UNC80: variants seen among roughly 807,000 people sequenced by gnomAD.
UNC80 encodes the protein protein unc-80 homolog.
Under a neutral mutation model 384.6 loss-of-function variants are expected in UNC80, and 164 were observed. The observed-to-expected ratio is 0.43, with a 90% confidence interval of 0.38 to 0.49. The LOEUF (loss-of-function observed/expected upper bound fraction) is 0.49. Ranked by LOEUF, UNC80 falls within the 20% of genes least tolerant of loss-of-function variation. UNC80 has a pLI of 0.00. For missense variants in UNC80, 3,330 were observed against 4,143.0 expected, an observed-to-expected ratio of 0.80 and a Z score of 5.39; for synonymous variants, 1,486 against 1,527.8, an observed-to-expected ratio of 0.97 and a Z score of 0.64.
At chr2:209,822,415 A>G (rs972552710) in intron 13 of UNC80, among the ~76,000 whole-genome samples, 5 of 152,212 alleles carry the variant, frequency 3.3e-5, no homozygotes, top group Admixed American at 3.3e-4. Flanking sequence ...ACAAACAAAT[A>G]CAAGTTATAA....
chr2:209,846,650 A>G (rs2082191956), intron 21 of UNC80, among the ~76,000 whole-genome samples: 1 of 152,154 alleles, frequency 6.6e-6, no homozygotes. Flanking sequence ...AAATAGAATT[A>G]TAATTACACC....
At chr2:209,991,457 C>T (rs547353333) in intron 61 of UNC80, among the ~76,000 whole-genome samples, 1 of 152,272 alleles carries the variant, frequency 6.6e-6, no homozygotes, top group South Asian at 2.1e-4. Context: ...AAAAGACACA[C>T]ATACACAGTA....
At position 209,839,976 on chromosome 2, in the gene UNC80, G is replaced by A. The variant is rs1195038842; in HGVS notation, c.3250+546G>A. 6.6e-6 allele frequency among the ~76,000 whole-genome samples: 1 copy of A among 152,074 alleles called. No homozygotes were observed. Among genetic ancestry groups the A allele is most frequent in the Non-Finnish European group, 1.5e-5 (1 of 68,020 alleles). Reference sequence around the variant, plus strand: ...GGGAAGTGAAGGAACTGAAACAAGGGGACAAGTGGCGGTATGACTATAGTA... The same window carrying A: ...GGGAAGTGAAGGAACTGAAACAAGGAGACAAGTGGCGGTATGACTATAGTA... On this transcript the variant is annotated intron_variant, in intron 19 of 64. Coordinates refer to ENST00000673920, the MANE Select transcript of UNC80 (RefSeq NM_001371986.1). This position sits in a 1 kb window ranked among gnomAD's most constrained non-coding sequence, Gnocchi z 4.1.
At chr2:209,786,934 T>C (rs2077464182) in intron 5 of UNC80, among the ~76,000 whole-genome samples, 1 of 146,984 alleles carries the variant, frequency 6.8e-6, no homozygotes, top group Non-Finnish European at 1.5e-5. Flanking sequence ...TTAGTATTAA[T>C]AATAAAATTT....
At chr2:209,818,444 C>T (rs897948944) in intron 11 of UNC80, among the ~76,000 whole-genome samples, 1 of 151,982 alleles carries the variant, frequency 6.6e-6, no homozygotes, top group Non-Finnish European at 1.5e-5. Context: ...TCATTCTGTA[C>T]TTTTAACAGA....
At chr2:209,788,293 A>G (rs750525511) in intron 5 of UNC80, among the ~76,000 whole-genome samples, 1 of 151,932 alleles carries the variant, frequency 6.6e-6, no homozygotes, top group Non-Finnish European at 1.5e-5. Flanking sequence ...GCGCATGCCT[A>G]TAATCCCAGC....
rs904784673 is a variant in UNC80 at position 209,998,857 on chromosome 2, T to TA, written c.*3268dup. The TA allele has an allele frequency of 9.2e-5, 14 of 152,014 alleles. No homozygotes were observed. The highest frequency in any genetic ancestry group is 2.4e-4 in the African/African-American group (10 of 41,384). The allele number at this position is 152,014 out of a possible 1,614,324, so 9.4% of individuals were successfully genotyped here. A position where few individuals can be genotyped will look rare whatever the true frequency, so the allele number is the denominator to read the frequency against. Reference sequence around the variant, plus strand: ...TCCATGGCCTTGTCTTGGCAGGGAGTAAAAAATCCCACTTCTTTTTACTTT... The same window carrying TA: ...TCCATGGCCTTGTCTTGGCAGGGAGTAAAAAAATCCCACTTCTTTTTACTTT... On this transcript the variant is annotated 3_prime_UTR_variant, in exon 65 of 65. Transcript: ENST00000673920.
chr2:209,968,494 C>G (rs926072202), intron 52 of UNC80: 3 of 151,964 alleles, frequency 2.0e-5, no homozygotes, highest in African/African-American at 7.3e-5. Flanking sequence ...ATCCAGCTTT[C>G]AGGAGTCATT....
chr2:209,872,765 C>T lies in UNC80; in HGVS notation c.3635C>T (p.Pro1212Leu). The T allele has an allele frequency of 6.4e-7, 1 of 1,551,472 alleles. No individual in the cohort carries two copies. The highest frequency in any genetic ancestry group is 8.7e-7 in the Non-Finnish European group (1 of 1,146,808). ...CTAAACAACCCTACACAGGAAGCCC[C>T]TGTGGTGGCCAGAGCAGCCTTGTTC... ...ILAAALDLEAPVVARAALFLE... is the reference protein window; with the variant it reads ...ILAAALDLEALVVARAALFLE... The change falls in exon 23 of 65, where the codon CCT becomes CTT. Residue 1212 changes from proline (P) to leucine (L), a missense_variant. Coordinates refer to ENST00000673920, the MANE Select transcript of UNC80 (RefSeq NM_001371986.1). The surrounding 1 kb of genome is among the most constrained non-coding windows in gnomAD (Gnocchi z 4.1).
At chr2:209,935,337 C>T (rs75055246) in intron 39 of UNC80, among the ~76,000 whole-genome samples, 3,322 of 152,148 alleles carry the variant, frequency 0.022, 128 homozygotes, top group African/African-American at 0.075. Flanking sequence ...GTATTGAGAA[C>T]TTGGCCTAGC....
intron 25 of UNC80, among the ~76,000 whole-genome samples, chr2:209,885,674 T>C (rs913677114): frequency 6.6e-6 from 1 of 152,128 alleles, no homozygotes; most frequent in African/African-American, 2.4e-5. Context: ...CTGGGTGTGA[T>C]ATAATTTTCT....
rs869025316 is a variant in UNC80, at chr2:209,918,616, C to T, written c.5296C>T (p.Pro1766Ser). 2.4e-5 allele frequency: 38 copies of T among 1,551,850 alleles called. No individual in the cohort carries two copies. Among genetic ancestry groups the T allele is most frequent in the Middle Eastern group, 3.3e-4 (2 of 6,018 alleles). The change falls in exon 33 of 65, where the codon CCT becomes TCT. Residue 1766 changes from proline to serine, a missense_variant. Physicochemically the swap from Pro to Ser is moderately conservative, Grantham distance 74. Transcript: ENST00000673920. Reference sequence around the variant, plus strand: ...CCCAATGTTTGACCCACCGTGGGTTCCTCAGTGCAGCGGGAGTGTCCAGGA... The same window carrying T: ...CCCAATGTTTGACCCACCGTGGGTTTCTCAGTGCAGCGGGAGTGTCCAGGA... ...SVPMFDPPWVPQCSGSVQDPI... is the reference protein window; with the variant it reads ...SVPMFDPPWVSQCSGSVQDPI...
intron 38 of UNC80, 47 bp from the exon 39 acceptor site, chr2:209,933,775 C>T: frequency 6.8e-7 from 1 of 1,466,786 alleles, no homozygotes; most frequent in Non-Finnish European, 9.2e-7. Context: ...AGAATGTGAG[C>T]TCGGGATTAT....
chr2:209,781,005 C>T (rs148312550), intron 4 of UNC80, among the ~76,000 whole-genome samples: 26 of 152,302 alleles, frequency 1.7e-4, no homozygotes, highest in East Asian at 1.4e-3. Context: ...CAGTGTGCTG[C>T]GCTGCCCAGC....
chr2:209,903,464 TTA>T (rs375637670), intron 28 of UNC80, among the ~76,000 whole-genome samples: 19 of 80,358 alleles, frequency 2.4e-4, no homozygotes, highest in African/African-American at 5.7e-4. Flanking sequence ...TATATATACA[TTA>T]TATATATAGT....
intron 18 of UNC80, among the ~76,000 whole-genome samples, chr2:209,835,968 T>C (rs2081309715): frequency 6.6e-6 from 1 of 152,312 alleles, no homozygotes; most frequent in Admixed American, 6.5e-5. Context: ...CAATTTTGTG[T>C]TTATTTAGTG....
chr2:209,976,193 G>T lies in UNC80; in HGVS notation c.8662G>T (p.Glu2888Ter). ...QWYWLSLQVK[E>*]MALRKVGGLA... is the part of the protein sequence containing the mutation. ...GTACTGGCTGAGCCTCCAGGTGAAG[G>T]AGATGGCTCTGCGGAAGGTGGGAGG... Residue 2888 changes from glutamate (E) to a stop codon, truncating the protein, a stop_gained, in exon 57 of 65, where the codon GAG (glutamate) becomes TAG (stop). Coordinates refer to ENST00000673920, the MANE Select transcript of UNC80 (RefSeq NM_001371986.1). LOFTEE classifies it high-confidence loss of function. The surrounding 1 kb of genome is among the most constrained non-coding windows in gnomAD (Gnocchi z 4.3). 6.4e-7 allele frequency: 1 copy of T among 1,551,680 alleles called. No homozygotes were observed. The highest frequency in any genetic ancestry group is 8.7e-7 in the Non-Finnish European group (1 of 1,146,990).
chr2:209,835,020 G>T lies in UNC80; in HGVS notation c.3041+10G>T. 2 of 1,546,964 alleles carry T rather than the reference G, an allele frequency of 1.3e-6. No individual in the cohort carries two copies. The highest frequency in any genetic ancestry group is 2.5e-5 in the East Asian group (1 of 40,710). ...CACAGACTCCAGAGCAGTAAGTAGC[G>T]TTGGTTTTGTCTCCAGTGCAGACGG... On this transcript the variant is annotated intron_variant, in intron 18 of 64. Coordinates refer to ENST00000673920, the MANE Select transcript of UNC80 (RefSeq NM_001371986.1).
intron 9 of UNC80, among the ~76,000 whole-genome samples, chr2:209,815,875 G>C (rs879229171): frequency 3.3e-5 from 5 of 152,086 alleles, no homozygotes; most frequent in African/African-American, 1.2e-4. Flanking sequence ...AGTTAAATAC[G>C]TTATATTTTT....
Sources: allele counts gnomAD v4.1 joint callset (sites outside exome capture counted in the v4.1 genomes callset), GRCh38; gene constraint gnomAD v4.1.1; non-coding constraint Gnocchi (gnomAD v3.1); transcripts MANE v1.5; gene names NCBI Gene and HGNC (gene_info 2026-07-23, HGNC 2026-07-21).